ZC3H12B: variants seen among roughly 807,000 people sequenced by gnomAD.
ZC3H12B encodes zinc finger CCCH-type containing 12B.
Under a neutral mutation model 43.9 loss-of-function variants are expected in ZC3H12B, and 7 were observed. The ratio of observed to expected loss-of-function variants is 0.16; its 90% CI spans 0.09 to 0.30. The LOEUF is 0.30. ZC3H12B is among the 10% of genes least tolerant of loss of function. The pLI is 1.00. For missense variants in ZC3H12B, 475 were observed against 670.2 expected (o/e 0.71, Z 3.22); for synonymous variants, 222 against 241.7 (o/e 0.92, Z 0.76).
chrX:65,230,845 T>G, the ZC3H12B span, among the ~76,000 whole-genome samples: 7 of 111,801 alleles, frequency 6.3e-5, no homozygotes, highest in African/African-American at 2.3e-4. Context: ...TCTGAAGGTA[T>G]AAACTCATTA....
intron 3 of ZC3H12B, among the ~76,000 whole-genome samples, chrX:65,433,045 T>G (rs1022829892): frequency 8.0e-5 from 9 of 112,621 alleles, no homozygotes; most frequent in African/African-American, 2.3e-4. Context: ...AACTGCTTCT[T>G]GTGGGTCTTA....
chrX:65,324,341 G>A, the ZC3H12B span, among the ~76,000 whole-genome samples: 3 of 111,638 alleles, frequency 2.7e-5, no homozygotes, highest in African/African-American at 9.7e-5. Flanking sequence ...TTGCATTTAA[G>A]TCTTTAATCC....
rs2066741195 is a variant in ZC3H12B, at chrX:65,399,679, G to T, written n.407+975G>T. On this transcript the variant is annotated intron_variant and non_coding_transcript_variant, in intron 3 of 5. Transcript: ENST00000617377. The stretch of plus-strand genomic sequence containing the variant: ...ATATGTTCCAGCAATCCCACTGTTA[G>T]ATATATACCCAAAAGAAAGTAAATC... Among the ~76,000 whole-genome samples the T allele has an allele frequency of 2.7e-5, 3 of 112,100 alleles. No individual in the cohort carries two copies. In the South Asian group the frequency reaches 1.1e-3, roughly 41 times the overall value.
intron 3 of ZC3H12B, among the ~76,000 whole-genome samples, chrX:65,449,024 A>AG (rs1422361369): frequency 7.5e-5 from 2 of 26,812 alleles, no homozygotes; most frequent in African/African-American, 1.5e-4. Flanking sequence ...GGAAGGAAAG[A>AG]AGGAAAGAAA....
intron 3 of ZC3H12B, among the ~76,000 whole-genome samples, chrX:65,463,907 C>A (rs1231358372): frequency 9.0e-6 from 1 of 111,138 alleles, no homozygotes; most frequent in African/African-American, 3.3e-5. Flanking sequence ...TTTTGCCAAG[C>A]TGTATCAGCT....
At chrX:65,461,136 C>T (rs1311410661) in intron 3 of ZC3H12B, among the ~76,000 whole-genome samples, 1 of 112,046 alleles carries the variant, frequency 8.9e-6, no homozygotes, top group Non-Finnish European at 1.9e-5. Flanking sequence ...CAGAGAAATG[C>T]AAATCAAAAC....
the ZC3H12B span, among the ~76,000 whole-genome samples, chrX:65,170,560 C>G: frequency 9.0e-6 from 1 of 111,400 alleles, no homozygotes; most frequent in African/African-American, 3.3e-5. Flanking sequence ...CTCTGTATTT[C>G]CTGAATTTGA....
At chrX:65,170,468 T>G in the ZC3H12B span, among the ~76,000 whole-genome samples, 1 of 111,666 alleles carries the variant, frequency 9.0e-6, no homozygotes, top group Non-Finnish European at 1.9e-5. Flanking sequence ...CCCTTAACAT[T>G]TTTCCCTTCT....
At chrX:65,104,244 C>T in the ZC3H12B span, among the ~76,000 whole-genome samples, 3 of 112,011 alleles carry the variant, frequency 2.7e-5, no homozygotes, top group East Asian at 8.4e-4. Context: ...GGACCCCTTC[C>T]TTACACCTTA....
At chrX:65,261,470 G>A in the ZC3H12B span, among the ~76,000 whole-genome samples, 39 of 111,209 alleles carry the variant, frequency 3.5e-4, no homozygotes, top group East Asian at 2.8e-3. Flanking sequence ...CTTAATATGG[G>A]CAAAGTATAT....
chrX:65,374,948 A>T (rs2066324529), intron 2 of ZC3H12B, among the ~76,000 whole-genome samples: 1 of 111,447 alleles, frequency 9.0e-6, no homozygotes, highest in African/African-American at 3.3e-5. Flanking sequence ...CCTTCCCATG[A>T]CACATGGGGA....
chrX:65,190,510 T>C, the ZC3H12B span, among the ~76,000 whole-genome samples: 1 of 108,926 alleles, frequency 9.2e-6, no homozygotes, highest in Non-Finnish European at 1.9e-5. Flanking sequence ...AAGAGGTCCT[T>C]CACATCCCTT....
the ZC3H12B span, among the ~76,000 whole-genome samples, chrX:65,039,172 A>G: frequency 8.9e-6 from 1 of 111,792 alleles, no homozygotes; most frequent in South Asian, 3.7e-4. Context: ...TGTCTCATAC[A>G]CAGTTATTCT....
chrX:65,215,047 A>G, the ZC3H12B span, among the ~76,000 whole-genome samples: 1 of 111,476 alleles, frequency 9.0e-6, no homozygotes. Flanking sequence ...AGTAGGTCCC[A>G]AAAACGGGCT....
At chrX:65,210,884 A>T in the ZC3H12B span, among the ~76,000 whole-genome samples, 1 of 46,530 alleles carries the variant, frequency 2.1e-5, no homozygotes, top group African/African-American at 1.0e-4. Flanking sequence ...TCACATGGAC[A>T]CAGGAAGGGG....
At chrX:65,407,241 G>A (rs1247623808) in intron 3 of ZC3H12B, among the ~76,000 whole-genome samples, 2 of 112,661 alleles carry the variant, frequency 1.8e-5, no homozygotes, top group African/African-American at 6.4e-5. Context: ...GAGTGCGCGC[G>A]AGGCGCGGCG....
chrX:65,183,518 C>A, the ZC3H12B span, among the ~76,000 whole-genome samples: 1 of 111,298 alleles, frequency 9.0e-6, no homozygotes, highest in Non-Finnish European at 1.9e-5. Context: ...ACCTACATAA[C>A]AAACCTACAC....
the ZC3H12B span, among the ~76,000 whole-genome samples, chrX:65,341,648 A>G: frequency 9.0e-6 from 1 of 111,267 alleles, no homozygotes; most frequent in Non-Finnish European, 1.9e-5. Context: ...GCGTTTTCAA[A>G]CAATCAAATA....
the ZC3H12B span, among the ~76,000 whole-genome samples, chrX:65,338,133 T>C: frequency 8.9e-6 from 1 of 111,877 alleles, no homozygotes; most frequent in African/African-American, 3.2e-5. Flanking sequence ...TTGGACTGTG[T>C]AGTTAAGTGT....
Sources: allele counts gnomAD v4.1 joint callset (sites outside exome capture counted in the v4.1 genomes callset), GRCh38; gene constraint gnomAD v4.1.1; transcripts MANE v1.5; gene names NCBI Gene and HGNC (gene_info 2026-07-23, HGNC 2026-07-21).